The following SOX5 variants were observed in gnomAD, a reference collection of about 807,000 sequenced individuals.
SOX5 encodes the protein SRY-box transcription factor 5.
In SOX5, 9 loss-of-function variants were observed where a neutral mutation model predicts 92.0. The observed-to-expected ratio is 0.10, with a 90% CI of 0.06 to 0.17. The LOEUF is 0.17. Among genes scored for constraint, SOX5 ranks in the 10% least tolerant of loss-of-function variants. The pLI is 1.00. For synonymous variants in SOX5, 344 were observed against 336.3 expected (o/e 1.02, Z -0.25); for missense variants, 642 against 944.5 (o/e 0.68, Z 4.20).
chr12:23,822,466 TG>T (rs2096138992), intron 3 of SOX5, among the ~76,000 whole-genome samples: 1 of 152,232 alleles, frequency 6.6e-6, no homozygotes. Context: ...AGGTCTAATT[TG>T]ATTGCACTGT....
chr12:23,908,306 T>C (rs955778177), intron 1 of SOX5, among the ~76,000 whole-genome samples: 4 of 152,066 alleles, frequency 2.6e-5, no homozygotes, highest in Admixed American at 6.6e-5. Context: ...CTAAAATGAG[T>C]ACTGAACATC....
At chr12:24,139,619 G>A (rs576411289) in intron 4 of SOX5, among the ~76,000 whole-genome samples, 1 of 152,180 alleles carries the variant, frequency 6.6e-6, no homozygotes, top group Admixed American at 6.5e-5. Flanking sequence ...AGAACGGACC[G>A]CTTCAATCTT....
chr12:23,953,709 G>A (rs971256319), upstream of SOX5, among the ~76,000 whole-genome samples: 2 of 151,990 alleles, frequency 1.3e-5, no homozygotes, highest in African/African-American at 4.8e-5. Context: ...AAAACATAGT[G>A]CTAAGAACTG....
intron 9 of SOX5, among the ~76,000 whole-genome samples, chr12:23,577,815 G>A (rs1374333180): frequency 6.6e-6 from 1 of 151,840 alleles, no homozygotes; most frequent in Non-Finnish European, 1.5e-5. Context: ...GTTTACTTTA[G>A]CATTTTAAAA....
At position 24,272,872 on chromosome 12, in the gene SOX5, TATG is replaced by T. The variant is rs534502133; in HGVS notation, c.-77+4341_-77+4343del. Among the ~76,000 whole-genome samples, 300 of 152,274 alleles carry T rather than the reference TATG, an allele frequency of 2.0e-3. 1 individual carries two copies. Among genetic ancestry groups the T allele is most frequent in the Non-Finnish European group, 3.9e-3 (266 of 68,014 alleles). On this transcript the variant is annotated intron_variant, in intron 3 of 4. Transcript: ENST00000446891. Reference sequence around the variant, plus strand: ...CTCATCAGCTTTGGTATGAAAATTATATGATAATTATAAAATGAATTCGGATTG... The same window carrying T: ...CTCATCAGCTTTGGTATGAAAATTATATAATTATAAAATGAATTCGGATTG...
chr12:23,982,151 T>C (rs1173554068), intron 4 of SOX5, among the ~76,000 whole-genome samples: 1 of 152,120 alleles, frequency 6.6e-6, no homozygotes, highest in African/African-American at 2.4e-5. Context: ...CGTCAGGAAA[T>C]GTATTTGGAA....
At chr12:24,163,611 A>G (rs766120448) in intron 4 of SOX5, among the ~76,000 whole-genome samples, 1 of 144,568 alleles carries the variant, frequency 6.9e-6, no homozygotes, top group Non-Finnish European at 1.5e-5. Flanking sequence ...GAATACGAGG[A>G]TTCTATCAGT....
intron 4 of SOX5, among the ~76,000 whole-genome samples, chr12:24,207,203 T>G (rs1173423093): frequency 6.6e-6 from 1 of 152,262 alleles, no homozygotes; most frequent in East Asian, 1.9e-4. Flanking sequence ...TTTCTGTTAT[T>G]GTAAAAGTAA....
chr12:23,932,587 T>C (rs1207738606), intron 1 of SOX5, among the ~76,000 whole-genome samples: 5 of 151,764 alleles, frequency 3.3e-5, no homozygotes, highest in African/African-American at 1.2e-4. Flanking sequence ...AAATAGAAAG[T>C]GAAGGGGGCA....
intron 6 of SOX5, among the ~76,000 whole-genome samples, chr12:23,723,991 G>A (rs2092974175): frequency 6.6e-6 from 1 of 152,060 alleles, no homozygotes; most frequent in Non-Finnish European, 1.5e-5. Context: ...ATTTGCATAT[G>A]TGGAAAATGT....
chr12:24,508,814 T>A, intron 1 of SOX5, among the ~76,000 whole-genome samples: 1 of 151,194 alleles, frequency 6.6e-6, no homozygotes, highest in East Asian at 1.9e-4. Context: ...TGTTAAGGAG[T>A]GAAAACATAA....
At chr12:24,327,707 C>T (rs1023641069) in intron 2 of SOX5, among the ~76,000 whole-genome samples, 4 of 152,006 alleles carry the variant, frequency 2.6e-5, no homozygotes, top group East Asian at 1.9e-4. Context: ...CCTCAGCCTC[C>T]GGAGTAGCTG....
At chr12:24,308,855 G>A (rs1948882169) in intron 2 of SOX5, among the ~76,000 whole-genome samples, 1 of 152,140 alleles carries the variant, frequency 6.6e-6, no homozygotes. Context: ...ACAGTGCCCT[G>A]ACAGAAACTC....
chr12:24,153,002 G>A (rs1248741690), intron 4 of SOX5, among the ~76,000 whole-genome samples: 1 of 152,130 alleles, frequency 6.6e-6, no homozygotes, highest in East Asian at 1.9e-4. Flanking sequence ...GGTGTAAAGT[G>A]TTCTCACGCC....
At chr12:23,729,891 A>C (rs1284423452) in intron 6 of SOX5, among the ~76,000 whole-genome samples, 1 of 152,162 alleles carries the variant, frequency 6.6e-6, no homozygotes, top group Non-Finnish European at 1.5e-5. Flanking sequence ...AAAAGGAGTA[A>C]GAAACTTATA....
chr12:23,576,844 A>C (rs1592219556), intron 9 of SOX5, among the ~76,000 whole-genome samples: 1 of 152,046 alleles, frequency 6.6e-6, no homozygotes, highest in East Asian at 1.9e-4. Context: ...ATATCTTACC[A>C]CTTGTTTATT....
At chr12:23,958,974 C>T (rs1946587115) in intron 4 of SOX5, among the ~76,000 whole-genome samples, 1 of 151,630 alleles carries the variant, frequency 6.6e-6, no homozygotes, top group Admixed American at 6.6e-5. Flanking sequence ...GTAACATAGA[C>T]AAAATATCTA....
At position 23,760,782 on chromosome 12, in the gene SOX5, C is replaced by G. The variant is rs138101909; in HGVS notation, c.482-5058G>C. Reference sequence around the variant, plus strand: ...AGACTCATGCCAACATATTGTAATTCTCCAACAAGCTGCCAGTGCCAAGAA... The same window carrying G: ...AGACTCATGCCAACATATTGTAATTGTCCAACAAGCTGCCAGTGCCAAGAA... On this transcript the variant is annotated intron_variant, in intron 3 of 14. Transcript: ENST00000451604. Among the ~76,000 whole-genome samples, 723 of 152,214 alleles carry G rather than the reference C, an allele frequency of 4.7e-3. 7 individuals are homozygous for G. Among genetic ancestry groups the G allele is most frequent in the South Asian group, 0.011 (55 of 4,828 alleles).
chr12:24,238,956 G>A (rs971781054), intron 3 of SOX5, among the ~76,000 whole-genome samples: 8 of 152,198 alleles, frequency 5.3e-5, no homozygotes, highest in Middle Eastern at 3.4e-3. Context: ...GTTCATTACC[G>A]GGTAGGCCAC....
Sources: gnomAD v4.1 joint callset for allele counts (sites outside exome capture counted in the v4.1 genomes callset) on GRCh38, gnomAD v4.1.1 for gene constraint, MANE v1.5 for transcripts, NCBI Gene and HGNC (gene_info 2026-07-23, HGNC 2026-07-21) for gene names.